Variants in NPAS2 observed in about 807,000 individuals in gnomAD.
The protein encoded by NPAS2 is neuronal PAS domain protein 2.
Under a neutral mutation model 107.5 loss-of-function variants are expected in NPAS2, and 23 were observed. The ratio of observed to expected loss-of-function variants is 0.21; its 90% CI spans 0.15 to 0.30. The LOEUF (loss-of-function observed/expected upper bound fraction) is 0.30. Among genes scored for constraint, NPAS2 ranks in the 10% least tolerant of loss-of-function variants. The probability of loss-of-function intolerance (pLI) is 1.00; values close to 1 mark genes in which losing one functional copy is unlikely to be tolerated. For missense variants in NPAS2, 756 were observed against 1,043.3 expected (o/e 0.72, Z 3.79); for synonymous variants, 403 against 417.5 (o/e 0.97, Z 0.42).
At chr2:100,902,812 G>A (rs1192420505) in intron 1 of NPAS2, among the ~76,000 whole-genome samples, 7 of 152,208 alleles carry the variant, frequency 4.6e-5, no homozygotes. Context: ...TGTGACAGGT[G>A]CAATGGGAAC....
At chr2:100,941,351 G>A (rs554887195) in intron 5 of NPAS2, among the ~76,000 whole-genome samples, 1 of 152,312 alleles carries the variant, frequency 6.6e-6, no homozygotes, top group South Asian at 2.1e-4. Context: ...ATCACTTGAG[G>A]TCAGGAGTCC....
chr2:100,974,425 T>C (rs554929606), intron 12 of NPAS2, among the ~76,000 whole-genome samples: 1 of 152,282 alleles, frequency 6.6e-6, no homozygotes, highest in East Asian at 1.9e-4. Context: ...TCCCAGTGGA[T>C]GAGTTTACAG....
chr2:100,900,965 C>T (rs1681732958), intron 1 of NPAS2, among the ~76,000 whole-genome samples: 1 of 152,010 alleles, frequency 6.6e-6, no homozygotes, highest in South Asian at 2.1e-4. Context: ...TGGGTTCAAG[C>T]TATCCTTCCC....
intron 2 of NPAS2, among the ~76,000 whole-genome samples, chr2:100,909,700 A>G (rs910459484): frequency 1.3e-5 from 2 of 151,658 alleles, no homozygotes; most frequent in African/African-American, 2.4e-5. Flanking sequence ...CACGGGGGGA[A>G]AAAATGGCAG....
intron 7 of NPAS2, among the ~76,000 whole-genome samples, chr2:100,956,129 C>G (rs936316922): frequency 2.0e-5 from 3 of 152,178 alleles, no homozygotes; most frequent in African/African-American, 7.2e-5. Flanking sequence ...TGGTCTGAAA[C>G]TTCTGAGCCT....
Position 100,863,674 on chromosome 2 carries a change from C to T in NPAS2, c.-22-41059C>T, listed in dbSNP as rs187996669. Reference sequence around the variant, plus strand: ...AGAAATAAATGCTAACGAGTTGCATCCTTAAATACAGTTGGACCATTTTCA... The same window carrying T: ...AGAAATAAATGCTAACGAGTTGCATTCTTAAATACAGTTGGACCATTTTCA... On this transcript the variant is annotated intron_variant, in intron 1 of 20. Coordinates refer to ENST00000335681, the MANE Select transcript of NPAS2 (RefSeq NM_002518.4). Among the ~76,000 whole-genome samples, 211 of 152,252 alleles carry T rather than the reference C, an allele frequency of 1.4e-3. 1 individual carries two copies. Among genetic ancestry groups the T allele is most frequent in the Middle Eastern group, 3.4e-3 (1 of 294 alleles).
At chr2:100,905,538 C>T (rs80271243) in intron 2 of NPAS2, among the ~76,000 whole-genome samples, 1,829 of 152,150 alleles carry the variant, frequency 0.012, 16 homozygotes, top group African/African-American at 0.032. Flanking sequence ...GGGAAAAAAA[C>T]GTGAGCAGGA....
chr2:100,943,943 G>A lies in NPAS2; in HGVS notation c.364-4292G>A, dbSNP rs544085347. On this transcript the variant is annotated intron_variant, in intron 5 of 20. Transcript: ENST00000335681. ...TGCAAATACCCTCTCTCACTTTGTGGCTTACCTTTCCCCCTTTTTTAGGGC... is the reference window on the plus strand; with the variant it reads ...TGCAAATACCCTCTCTCACTTTGTGACTTACCTTTCCCCCTTTTTTAGGGC... 7.2e-5 allele frequency among the ~76,000 whole-genome samples: 11 copies of A among 152,282 alleles called. No individual in the cohort carries two copies. In the East Asian group the frequency reaches 1.2e-3, roughly 16 times the overall value.
At chr2:100,925,378 G>A in intron 3 of NPAS2, 84 bp downstream of exon 3, 1 of 1,480,566 alleles carries the variant, frequency 6.8e-7, no homozygotes, top group Non-Finnish European at 9.2e-7. Flanking sequence ...CTGCCTGGTT[G>A]GTTTTGTCTC....
At chr2:100,887,530 G>A (rs146718908) in intron 1 of NPAS2, among the ~76,000 whole-genome samples, 201 of 152,314 alleles carry the variant, frequency 1.3e-3, no homozygotes, top group African/African-American at 3.4e-3. Context: ...AGCAGTGTTC[G>A]TGCAAATTAT....
intron 17 of NPAS2, chr2:100,989,164 T>A (rs529408305): frequency 6.5e-6 from 1 of 154,534 alleles, no homozygotes; most frequent in African/African-American, 2.4e-5. Context: ...GGATAACAGA[T>A]GGGAAGGCAG....
chr2:100,835,711 A>G (rs1302250234), intron 1 of NPAS2, among the ~76,000 whole-genome samples: 1 of 152,170 alleles, frequency 6.6e-6, no homozygotes, highest in South Asian at 2.1e-4. Context: ...AGAAGCCAGC[A>G]TGGAAAGGTA....
intron 13 of NPAS2, chr2:100,975,229 C>T (rs887643407): frequency 1.7e-6 from 1 of 584,662 alleles, no homozygotes; most frequent in Non-Finnish European, 3.0e-6. Context: ...GATCAGGCAG[C>T]TCATTGGACC....
intron 1 of NPAS2, chr2:100,877,836 C>G (rs1680082271): frequency 2.1e-6 from 1 of 469,036 alleles, no homozygotes; most frequent in African/African-American, 2.1e-5. Flanking sequence ...CCGGTGCATC[C>G]TTTTTATTTC....
chr2:100,825,334 T>C (rs72968178), intron 1 of NPAS2, among the ~76,000 whole-genome samples: 2,967 of 152,296 alleles, frequency 0.019, 110 homozygotes, highest in African/African-American at 0.066. Context: ...TTGGAAAAGA[T>C]AGAAAAGAAG....
chr2:100,991,093 T>C (rs1678092472), intron 19 of NPAS2, among the ~76,000 whole-genome samples: 1 of 152,208 alleles, frequency 6.6e-6, no homozygotes, highest in Non-Finnish European at 1.5e-5. Flanking sequence ...ACAGCAGCAC[T>C]GAATGAAACA....
chr2:100,964,772 T>C (rs1676112806), intron 8 of NPAS2, 89 bp from the exon 9 acceptor site: 1 of 755,696 alleles, frequency 1.3e-6, no homozygotes, highest in African/African-American at 1.8e-5. Flanking sequence ...TTTTAACTTC[T>C]GTTACCCACC....
intron 5 of NPAS2, among the ~76,000 whole-genome samples, 197 bp from the exon 6 acceptor site, chr2:100,948,038 A>G (rs550681945): frequency 2.5e-4 from 38 of 152,380 alleles, no homozygotes; most frequent in African/African-American, 8.9e-4. Flanking sequence ...GCACATATGC[A>G]TTTGAACAAA....
chr2:100,873,281 T>C (rs1233519557), intron 1 of NPAS2, among the ~76,000 whole-genome samples: 5 of 51,740 alleles, frequency 9.7e-5, no homozygotes, highest in East Asian at 2.6e-3. Context: ...AATACATATA[T>C]ATATATATAT....
Sources: allele counts gnomAD v4.1 joint callset (sites outside exome capture counted in the v4.1 genomes callset), GRCh38; gene constraint gnomAD v4.1.1; transcripts MANE v1.5; gene names NCBI Gene and HGNC (gene_info 2026-07-23, HGNC 2026-07-21).